TRHDE: variants seen among roughly 807,000 people sequenced by gnomAD.
TRHDE encodes thyrotropin releasing hormone degrading enzyme, also known as thyrotropin-releasing hormone-degrading ectoenzyme.
Under a neutral mutation model 125.7 loss-of-function variants are expected in TRHDE, and 72 were observed. The observed-to-expected ratio is 0.57, with a 90% CI of 0.47 to 0.70. The LOEUF (loss-of-function observed/expected upper bound fraction) is 0.70, where lower values mean the gene tolerates loss of function less well. Ranked by LOEUF, TRHDE falls within the 30% of genes least tolerant of loss-of-function variation. The pLI is 0.00. For synonymous variants in TRHDE, 509 were observed against 509.1 expected, an observed-to-expected ratio of 1.00 and a Z score of 0.00; for missense variants, 1,110 against 1,327.1, an observed-to-expected ratio of 0.84 and a Z score of 2.54.
Position 72,237,825 on chromosome 12 carries a change from T to C in TRHDE, n.279+132073T>C, listed in dbSNP as rs75695077. ...TGCAGAAACAGACTAATTCAGGGACTCTTAGGCAAACCAGGATCTAGGGAC... is the reference window on the plus strand; with the variant it reads ...TGCAGAAACAGACTAATTCAGGGACCCTTAGGCAAACCAGGATCTAGGGAC... On this transcript the variant is annotated intron_variant and non_coding_transcript_variant, in intron 2 of 4. Coordinates refer to the TRHDE transcript ENST00000548156. Among the ~76,000 whole-genome samples, 572 of 152,242 alleles carry C rather than the reference T, an allele frequency of 3.8e-3. 23 individuals carry two copies. In the East Asian group the frequency reaches 0.097, roughly 26 times the overall value.
At chr12:72,362,699 C>T (rs1237432974) in intron 2 of TRHDE, among the ~76,000 whole-genome samples, 1 of 151,742 alleles carries the variant, frequency 6.6e-6, no homozygotes, top group Non-Finnish European at 1.5e-5. Context: ...GGTTTTAGGT[C>T]TAACGTTTAA....
At position 72,564,653 on chromosome 12, in the gene TRHDE, A is replaced by AT. The variant is rs538823843; in HGVS notation, c.2042+1645dup. 5.8e-3 allele frequency among the ~76,000 whole-genome samples: 317 copies of AT among 54,296 alleles called. 39 individuals are homozygous for AT. The highest frequency in any genetic ancestry group is 0.043 in the Middle Eastern group (2 of 46). The allele number at this position is 54,296 out of a possible 152,430, so 35.6% of individuals were successfully genotyped here. A position where few individuals can be genotyped will look rare whatever the true frequency, so the allele number is the denominator to read the frequency against. On this transcript the variant is annotated intron_variant, in intron 9 of 18. Coordinates refer to ENST00000261180, the MANE Select transcript of TRHDE (RefSeq NM_013381.3). The stretch of plus-strand genomic sequence containing the variant: ...TGGAATTATAAAATCATGCGTATGA[A>AT]TTTTTTTTTTTTTTTTTTTTTTTTT...
Position 72,273,642 on chromosome 12 carries a change from C to A in TRHDE, c.914+85C>A. 1 of 1,364,640 alleles carries A rather than the reference C, an allele frequency of 7.3e-7. No homozygotes were observed. The highest frequency in any genetic ancestry group is 9.9e-7 in the Non-Finnish European group (1 of 1,006,450). The allele number at this position is 1,364,640 out of a possible 1,614,324, so 84.5% of individuals were successfully genotyped here. A position where few individuals can be genotyped will look rare whatever the true frequency, so the allele number is the denominator to read the frequency against. Reference sequence around the variant, plus strand: ...GCGGCCTGCGACCCCGGGGACCCAGCTGGCTTCCAATACCCGGGAAGCCAG... The same window carrying A: ...GCGGCCTGCGACCCCGGGGACCCAGATGGCTTCCAATACCCGGGAAGCCAG... On this transcript the variant is annotated intron_variant, in intron 1 of 18. Transcript: ENST00000261180. This position sits in a 1 kb window ranked among gnomAD's most constrained non-coding sequence, Gnocchi z 5.3.
Position 72,273,663 on chromosome 12 carries a change from GC to G in TRHDE, c.914+108del. The G allele has an allele frequency of 2.7e-6, 3 of 1,125,828 alleles. No individual in the cohort carries two copies. The highest frequency in any genetic ancestry group is 3.8e-6 in the Non-Finnish European group (3 of 792,948). The allele number at this position is 1,125,828 out of a possible 1,614,324, so 69.7% of individuals were successfully genotyped here. A position where few individuals can be genotyped will look rare whatever the true frequency, so the allele number is the denominator to read the frequency against. On this transcript the variant is annotated intron_variant, in intron 1 of 18. Coordinates refer to ENST00000261180, the MANE Select transcript of TRHDE (RefSeq NM_013381.3). The surrounding 1 kb of genome is among the most constrained non-coding windows in gnomAD (Gnocchi z 5.3). ...CCAGCTGGCTTCCAATACCCGGGAA[GC>G]CAGGGGTGGGGGGAAGGAAACGAAA...
At chr12:72,293,231 G>A (rs1434828766) in intron 2 of TRHDE, among the ~76,000 whole-genome samples, 2 of 151,392 alleles carry the variant, frequency 1.3e-5, no homozygotes, top group Non-Finnish European at 1.5e-5. Flanking sequence ...TGAGTTTTTT[G>A]TAGATTCTGG....
At chr12:72,568,677 T>C in intron 10 of TRHDE, 21 bp downstream of exon 10, 1 of 1,521,620 alleles carries the variant, frequency 6.6e-7, no homozygotes, top group Non-Finnish European at 9.1e-7. Flanking sequence ...TATTCTCCCC[T>C]GAGGAAGTAT....
chr12:72,248,936 T>A (rs1878628627), intron 2 of TRHDE, among the ~76,000 whole-genome samples: 1 of 152,234 alleles, frequency 6.6e-6, no homozygotes, highest in Non-Finnish European at 1.5e-5. Flanking sequence ...CTTTGTTTTT[T>A]AAAATAAAAC....
intron 3 of TRHDE, among the ~76,000 whole-genome samples, chr12:72,378,987 G>T (rs1325624521): frequency 6.6e-6 from 1 of 152,166 alleles, no homozygotes; most frequent in African/African-American, 2.4e-5. Context: ...CATCACAACA[G>T]TCCTTTGCTC....
chr12:72,385,839 T>G (rs186246711), intron 3 of TRHDE, among the ~76,000 whole-genome samples: 1 of 152,228 alleles, frequency 6.6e-6, no homozygotes, highest in East Asian at 1.9e-4. Context: ...AAAAGAGAGA[T>G]AAGCACAATA....
intron 7 of TRHDE, among the ~76,000 whole-genome samples, chr12:72,550,481 G>A (rs563147483): frequency 6.6e-6 from 1 of 151,538 alleles, no homozygotes; most frequent in East Asian, 1.9e-4. Flanking sequence ...TAATAGCCTA[G>A]AACTATATAT....
chr12:72,161,427 G>A (rs1245482616), intron 2 of TRHDE, among the ~76,000 whole-genome samples: 7 of 135,366 alleles, frequency 5.2e-5, no homozygotes, highest in South Asian at 2.4e-4. Flanking sequence ...GCGAGACTCC[G>A]TCTCAAAAAA....
intron 6 of TRHDE, among the ~76,000 whole-genome samples, chr12:72,512,647 C>A (rs941905098): frequency 4.3e-5 from 6 of 139,148 alleles, no homozygotes; most frequent in Admixed American, 3.0e-4. Context: ...CATATATAAT[C>A]ATATATAATA....
intron 2 of TRHDE, among the ~76,000 whole-genome samples, chr12:72,215,900 A>G (rs1877880107): frequency 6.6e-6 from 1 of 152,166 alleles, no homozygotes; most frequent in Admixed American, 6.6e-5. Flanking sequence ...TTACTTCTGA[A>G]TATGCACTTT....
At chr12:72,372,822 G>A (rs972223014) in intron 2 of TRHDE, among the ~76,000 whole-genome samples, 95 of 152,214 alleles carry the variant, frequency 6.2e-4, no homozygotes, top group East Asian at 1.4e-3. Context: ...GTCAGGTAGC[G>A]TGATGCCTCC....
chr12:72,250,337 G>A (rs1045636229), intron 2 of TRHDE, among the ~76,000 whole-genome samples: 1 of 152,162 alleles, frequency 6.6e-6, no homozygotes, highest in African/African-American at 2.4e-5. Context: ...GTCATTAAAG[G>A]CTGGCAGTGT....
chr12:72,665,006 TA>T lies in TRHDE; in HGVS notation c.*1814del, dbSNP rs1875062461. The T allele has an allele frequency of 6.6e-6, 1 of 152,210 alleles. No homozygotes were observed. The highest frequency in any genetic ancestry group is 2.4e-5 in the African/African-American group (1 of 41,556). 9.4% of individuals were successfully genotyped at this position (152,210 alleles called of 1,614,324 possible). ...ATGATAATACTTTTAGTATAAAATC[TA>T]AACTTTTTCCATTTATCAGAAATGA... On this transcript the variant is annotated 3_prime_UTR_variant, in exon 19 of 19. Coordinates refer to ENST00000261180, the MANE Select transcript of TRHDE (RefSeq NM_013381.3).
chr12:72,636,402 G>A lies in TRHDE; in HGVS notation c.2675+14651G>A, dbSNP rs867526929. ...TGCTTATCAGCTTAAGGAGATTTTG[G>A]GCTGAGACAATGGGGTTTTCTAGAT... On this transcript the variant is annotated intron_variant, in intron 15 of 18. Coordinates refer to ENST00000261180, the MANE Select transcript of TRHDE (RefSeq NM_013381.3). Among the ~76,000 whole-genome samples the A allele has an allele frequency of 1.8e-3, 273 of 151,308 alleles. 1 individual carries two copies. The highest frequency in any genetic ancestry group is 5.7e-3 in the African/African-American group (233 of 41,166).
intron 15 of TRHDE, among the ~76,000 whole-genome samples, chr12:72,636,560 G>T (rs1282601972): frequency 2.6e-4 from 39 of 151,526 alleles, no homozygotes; most frequent in South Asian, 8.4e-4. Flanking sequence ...AGTGGTGAGA[G>T]AGGGCATCCC....
At position 72,662,973 on chromosome 12, in the gene TRHDE, T is replaced by C. The variant is rs1014923175; in HGVS notation, c.3067-79T>C. Reference sequence around the variant, plus strand: ...ATATATTGTTTTTTAATGTTTCAAATAGATTCTTGTTCATGTTTGTTGGAC... The same window carrying C: ...ATATATTGTTTTTTAATGTTTCAAACAGATTCTTGTTCATGTTTGTTGGAC... On this transcript the variant is annotated intron_variant, in intron 18 of 18. Coordinates refer to ENST00000261180, the MANE Select transcript of TRHDE (RefSeq NM_013381.3). 7.1e-6 allele frequency: 10 copies of C among 1,415,644 alleles called. No homozygotes were observed. The South Asian group carries it at 1.2e-4, about 17-fold the overall frequency. 87.7% of individuals were successfully genotyped at this position (1,415,644 alleles called of 1,614,324 possible).
Sources: gnomAD v4.1 joint callset for allele counts (sites outside exome capture counted in the v4.1 genomes callset) on GRCh38, gnomAD v4.1.1 for gene constraint, Gnocchi (gnomAD v3.1) non-coding constraint, MANE v1.5 for transcripts, NCBI Gene and HGNC (gene_info 2026-07-23, HGNC 2026-07-21) for gene names.